Variants in CBLN2 observed in about 807,000 individuals in gnomAD.
CBLN2 encodes the protein cerebellin 2 precursor, also known as cerebellin-2.
CBLN2 carries 7 observed loss-of-function variants against 15.0 expected under a neutral mutation model. The ratio of observed to expected loss-of-function variants is 0.47; its 90% confidence interval spans 0.27 to 0.88. The LOEUF is 0.88. Among genes scored for constraint, CBLN2 ranks in the 40% least tolerant of loss-of-function variants. The pLI, the probability that CBLN2 is intolerant of heterozygous loss-of-function variation, is 0.14. For missense variants in CBLN2, 242 were observed against 304.5 expected (o/e 0.79, Z 1.53); for synonymous variants, 149 against 135.2 (o/e 1.10, Z -0.71).
chr18:72,587,483 G>T (rs1243542422), intron 1 of CBLN2, among the ~76,000 whole-genome samples: 2 of 151,984 alleles, frequency 1.3e-5, no homozygotes, highest in Admixed American at 6.6e-5. Context: ...GTGAATTAAG[G>T]TTATTTAACT....
At chr18:72,550,208 T>C (rs1472256674) in intron 1 of CBLN2, among the ~76,000 whole-genome samples, 1 of 152,240 alleles carries the variant, frequency 6.6e-6, no homozygotes, top group African/African-American at 2.4e-5. Context: ...GCATGTTTGA[T>C]AAGTCATGGA....
In CBLN2 at chr18:72,543,718, C is replaced by T. The variant is rs1022354055; in HGVS notation, c.-211-188G>A. 3.3e-5 allele frequency among the ~76,000 whole-genome samples: 5 copies of T among 151,806 alleles called. No homozygotes were observed. Among genetic ancestry groups the T allele is most frequent in the African/African-American group, 1.2e-4 (5 of 41,406 alleles). ...GCGCCGCGCCCGGGACCGGGAACCC[C>T]GCGTCTCGCCCGGCTCAGCGCCCCG... On this transcript the variant is annotated intron_variant, in intron 1 of 4. Transcript: ENST00000269503. The surrounding 1 kb of genome is among the most constrained non-coding windows in gnomAD (Gnocchi z 6.8).
chr18:72,624,034 G>C (rs1480583164), intron 1 of CBLN2, among the ~76,000 whole-genome samples: 1 of 152,066 alleles, frequency 6.6e-6, no homozygotes, highest in Non-Finnish European at 1.5e-5. Flanking sequence ...CTCAACAAGA[G>C]CCTTTCAGTG....
intron 1 of CBLN2, among the ~76,000 whole-genome samples, chr18:72,564,035 C>T (rs780808301): frequency 3.3e-5 from 5 of 152,300 alleles, no homozygotes; most frequent in East Asian, 3.9e-4. Context: ...CACTGTAAAA[C>T]GTACCTGCAG....
chr18:72,611,525 G>C (rs888418461), intron 1 of CBLN2, among the ~76,000 whole-genome samples: 1 of 151,982 alleles, frequency 6.6e-6, no homozygotes, highest in Non-Finnish European at 1.5e-5. Flanking sequence ...CATGTTTGTT[G>C]GCTGCTCATA....
At chr18:72,559,803 A>C (rs1389121083) in intron 1 of CBLN2, among the ~76,000 whole-genome samples, 1 of 152,212 alleles carries the variant, frequency 6.6e-6, no homozygotes, top group Non-Finnish European at 1.5e-5. Context: ...GGAGATAAAA[A>C]GCCATTTTGA....
At chr18:72,613,293 CTGTCTT>C in intron 1 of CBLN2, among the ~76,000 whole-genome samples, 1 of 152,242 alleles carries the variant, frequency 6.6e-6, no homozygotes, top group Middle Eastern at 3.4e-3. Context: ...TCTTTCTTCT[CTGTCTT>C]TGTAGGTCTC....
intron 1 of CBLN2, among the ~76,000 whole-genome samples, chr18:72,562,145 A>T (rs2069265517): frequency 6.6e-6 from 1 of 152,208 alleles, no homozygotes; most frequent in South Asian, 2.1e-4. Flanking sequence ...AGCTATTTGA[A>T]GCCAGCTATG....
intron 1 of CBLN2, among the ~76,000 whole-genome samples, chr18:72,621,256 A>T (rs988038764): frequency 6.6e-6 from 1 of 152,210 alleles, no homozygotes; most frequent in African/African-American, 2.4e-5. Context: ...GTGGTTTTGG[A>T]CTAAGAATTT....
chr18:72,571,869 G>A (rs1460473848), intron 1 of CBLN2, among the ~76,000 whole-genome samples: 1 of 152,036 alleles, frequency 6.6e-6, no homozygotes, highest in African/African-American at 2.4e-5. Flanking sequence ...ATATATTATT[G>A]ATTAATGTAA....
intron 1 of CBLN2, among the ~76,000 whole-genome samples, chr18:72,628,293 G>C (rs1468101120): frequency 6.6e-6 from 1 of 152,242 alleles, no homozygotes; most frequent in Non-Finnish European, 1.5e-5. Context: ...ATTTGCAACA[G>C]TCAGGTTTTC....
chr18:72,632,574 T>C (rs1434734973), intron 1 of CBLN2, among the ~76,000 whole-genome samples: 1 of 152,192 alleles, frequency 6.6e-6, no homozygotes, highest in African/African-American at 2.4e-5. Context: ...AATGTGGCCA[T>C]GACTGTCTTC....
intron 1 of CBLN2, among the ~76,000 whole-genome samples, chr18:72,580,613 A>G (rs1318363147): frequency 2.0e-5 from 3 of 152,136 alleles, no homozygotes; most frequent in South Asian, 2.1e-4. Context: ...TTTGCCTTTC[A>G]TCATTTGTTC....
chr18:72,602,424 C>T (rs76377027), intron 1 of CBLN2, among the ~76,000 whole-genome samples: 1,770 of 152,216 alleles, frequency 0.012, 38 homozygotes, highest in African/African-American at 0.04. Flanking sequence ...GTTTCTCTTT[C>T]TTCTGTCAAC....
intron 1 of CBLN2, among the ~76,000 whole-genome samples, chr18:72,552,864 AG>A (rs1014816091): frequency 6.6e-6 from 1 of 152,190 alleles, no homozygotes; most frequent in Non-Finnish European, 1.5e-5. Context: ...AAATAGTAGG[AG>A]AAAGGGAAAC....
intron 1 of CBLN2, among the ~76,000 whole-genome samples, chr18:72,616,547 G>C (rs547462456): frequency 6.6e-6 from 1 of 152,316 alleles, no homozygotes; most frequent in East Asian, 1.9e-4. Flanking sequence ...CACTGGTAGT[G>C]TGGAAAGGAT....
chr18:72,620,917 A>G (rs920219062), intron 1 of CBLN2, among the ~76,000 whole-genome samples: 6 of 152,264 alleles, frequency 3.9e-5, no homozygotes. Context: ...AGTGCTATAA[A>G]TAATCAAATC....
chr18:72,566,537 A>G (rs2069296207), intron 1 of CBLN2, among the ~76,000 whole-genome samples: 1 of 152,202 alleles, frequency 6.6e-6, no homozygotes, highest in Non-Finnish European at 1.5e-5. Context: ...CATTATGTTA[A>G]GTGAAATGTC....
Position 72,581,945 on chromosome 18 carries a change from C to T in CBLN2, c.16-43173G>A, listed in dbSNP as rs537917384. Among the ~76,000 whole-genome samples the T allele has an allele frequency of 3.3e-5, 5 of 152,260 alleles. No homozygotes were observed. The South Asian group carries it at 8.3e-4, about 25-fold the overall frequency. Reference sequence around the variant, plus strand: ...CTTCTGTCCAATATGCAATAACATTCAAAGTTTTGGGGTTTTGTTTGTGAG... The same window carrying T: ...CTTCTGTCCAATATGCAATAACATTTAAAGTTTTGGGGTTTTGTTTGTGAG... On this transcript the variant is annotated intron_variant, in intron 1 of 2. Coordinates refer to the CBLN2 transcript ENST00000581073.
Sources: gnomAD v4.1 joint callset for allele counts (sites outside exome capture counted in the v4.1 genomes callset) on GRCh38, gnomAD v4.1.1 for gene constraint, Gnocchi (gnomAD v3.1) non-coding constraint, MANE v1.5 for transcripts, NCBI Gene and HGNC (gene_info 2026-07-23, HGNC 2026-07-21) for gene names.